The following CEACAM18 variants were observed in gnomAD, a reference collection of about 807,000 sequenced individuals.
CEACAM18 encodes the protein cell adhesion molecule CEACAM18.
Under a neutral mutation model 34.3 loss-of-function variants are expected in CEACAM18, and 33 were observed. The observed-to-expected ratio is 0.96, with a 90% CI of 0.73 to 1.29. The LOEUF (loss-of-function observed/expected upper bound fraction) is 1.29, where lower values mean the gene tolerates loss of function less well. Ranked by LOEUF, CEACAM18 falls within the 50% of genes most tolerant of loss-of-function variation. The pLI, the probability that CEACAM18 is intolerant of heterozygous loss-of-function variation, is 0.00. For missense variants in CEACAM18, 474 were observed against 485.0 expected (o/e 0.98, Z 0.21); for synonymous variants, 169 against 180.9 (o/e 0.93, Z 0.53).
intron 1 of CEACAM18, among the ~76,000 whole-genome samples, chr19:51,479,584 T>TG (rs886770540): frequency 6.6e-6 from 1 of 152,006 alleles, no homozygotes; most frequent in Non-Finnish European, 1.5e-5. Flanking sequence ...ATGGCTGGGA[T>TG]GGGGGGAGCC....
At position 51,485,166 on chromosome 19, in the gene CEACAM18, G is replaced by T. The variant is rs1027211411; in HGVS notation, c.1089+44G>T. Reference sequence around the variant, plus strand: ...GACAAGGGTGGGATGTTGGCTGGGGGCTGGGACTCAGGAGCCAGCCCTCCC... The same window carrying T: ...GACAAGGGTGGGATGTTGGCTGGGGTCTGGGACTCAGGAGCCAGCCCTCCC... On this transcript the variant is annotated intron_variant, in intron 5 of 5. Coordinates refer to ENST00000396477, the Ensembl canonical transcript of CEACAM18. 1.1e-5 allele frequency: 16 copies of T among 1,458,318 alleles called. No individual in the cohort carries two copies. In the Admixed American group the frequency reaches 3.8e-4, roughly 35 times the overall value. 90.3% of individuals were successfully genotyped at this position (1,458,318 alleles called of 1,614,324 possible).
intron 5 of CEACAM18, 103 bp from the exon 6 acceptor site, chr19:51,490,484 G>A (rs532584430): frequency 4.0e-6 from 4 of 998,094 alleles, no homozygotes; most frequent in Non-Finnish European, 5.2e-6. Context: ...ACTTAGGCTT[G>A]GACTTGGTGG....
intron 5 of CEACAM18, among the ~76,000 whole-genome samples, chr19:51,487,262 C>T (rs185740712): frequency 1.3e-5 from 2 of 152,054 alleles, no homozygotes; most frequent in Admixed American, 6.5e-5. Flanking sequence ...ATTACTTGAG[C>T]CCAGGAGTTC....
At chr19:51,482,363 A>T (rs145630137) in intron 3 of CEACAM18, among the ~76,000 whole-genome samples, 88 of 152,338 alleles carry the variant, frequency 5.8e-4, no homozygotes, top group Non-Finnish European at 1.1e-3. Context: ...ACTGAAAACC[A>T]TAATCACACA....
chr19:51,481,727 G>A (rs1989919949), intron 3 of CEACAM18, 62 bp downstream of exon 3: 5 of 1,528,746 alleles, frequency 3.3e-6, no homozygotes, highest in African/African-American at 1.4e-5. Flanking sequence ...CTAGGGATAG[G>A]AATATGTTAG....
At chr19:51,482,447 C>T (rs180983132) in intron 3 of CEACAM18, among the ~76,000 whole-genome samples, 7 of 152,296 alleles carry the variant, frequency 4.6e-5, no homozygotes, top group African/African-American at 1.4e-4. Context: ...GGCTACGGCA[C>T]CCATCCTGTG....
At chr19:51,482,673 A>G (rs1419649133) in intron 3 of CEACAM18, among the ~76,000 whole-genome samples, 1 of 152,324 alleles carries the variant, frequency 6.6e-6, no homozygotes, top group East Asian at 1.9e-4. Flanking sequence ...AAATGGATCA[A>G]TGGTGGAACC....
intron 4 of CEACAM18, among the ~76,000 whole-genome samples, chr19:51,484,283 G>C (rs1375248120): frequency 6.6e-6 from 1 of 151,362 alleles, no homozygotes; most frequent in East Asian, 1.9e-4. Context: ...TCTTCCCCTG[G>C]ACTACAAGAT....
At chr19:51,479,781 G>A (rs1224441925) in intron 1 of CEACAM18, among the ~76,000 whole-genome samples, 1 of 152,196 alleles carries the variant, frequency 6.6e-6, no homozygotes, top group Non-Finnish European at 1.5e-5. Flanking sequence ...AGGAGAAGGT[G>A]TGGTGCACCA....
At chr19:51,486,892 G>A (rs1365384930) in intron 5 of CEACAM18, among the ~76,000 whole-genome samples, 2 of 140,622 alleles carry the variant, frequency 1.4e-5, no homozygotes, top group South Asian at 4.6e-4. Context: ...TAATTTTTTT[G>A]TTTTTTTTTT....
intron 3 of CEACAM18, 96 bp from the exon 4 acceptor site, chr19:51,482,921 G>A (rs1391990067): frequency 9.5e-6 from 14 of 1,466,598 alleles, no homozygotes; most frequent in Non-Finnish European, 1.3e-5. Flanking sequence ...AGCCCGAGGT[G>A]CACAATGGGG....
At chr19:51,483,116 A>G in exon 4 of CEACAM18, 1 of 1,613,980 alleles carries the variant, frequency 6.2e-7, no homozygotes, top group South Asian at 1.1e-5. Context: ...TGTATCTGCT[A>G]TTCCTTCCTG....
At position 51,479,438 on chromosome 19, in the gene CEACAM18, C is replaced by A. The variant is rs142424542; in HGVS notation, c.52+744C>A. On this transcript the variant is annotated intron_variant, in intron 1 of 5. Transcript: ENST00000396477. Reference sequence around the variant, plus strand: ...TCACCCAGACAATCATTACTGAACTCCCCCTGTGTCCAGCCTGTGCTCAGG... The same window carrying A: ...TCACCCAGACAATCATTACTGAACTACCCCTGTGTCCAGCCTGTGCTCAGG... Among the ~76,000 whole-genome samples the A allele has an allele frequency of 2.2e-4, 34 of 152,334 alleles. No homozygotes were observed. The East Asian group carries it at 3.9e-3, about 17-fold the overall frequency.
chr19:51,480,791 G>T (rs1258660246), intron 2 of CEACAM18, 111 bp downstream of exon 2: 3 of 1,013,440 alleles, frequency 3.0e-6, no homozygotes, highest in Non-Finnish European at 4.3e-6. Flanking sequence ...TCACGGAGCC[G>T]CCCTGGAATC....
intron 5 of CEACAM18, among the ~76,000 whole-genome samples, chr19:51,486,143 A>G (rs1050117953): frequency 2.0e-5 from 3 of 152,040 alleles, no homozygotes; most frequent in African/African-American, 7.3e-5. Context: ...TGGTGGTGAT[A>G]GTGGTGATGA....
In CEACAM18 at chr19:51,483,305, G is replaced by T. The variant is rs1568524243; in HGVS notation, c.953+9G>T. 6.2e-7 allele frequency: 1 copy of T among 1,613,612 alleles called. No homozygotes were observed. The highest frequency in any genetic ancestry group is 1.3e-5 in the African/African-American group (1 of 75,014). ...ATCCAGGCCCCCCATGAGTGCAGCA[G>T]CTCCCCTCCAGGCTCATGCTTTGCA... On this transcript the variant is annotated intron_variant, in intron 4 of 5. Transcript: ENST00000396477.
Position 51,480,856 on chromosome 19 carries a change from G to A in CEACAM18, c.400+176G>A, listed in dbSNP as rs144847876. ...CTGAGGGCTAGTGGGAGGAGAGGGC[G>A]GAGTTGGAAGACAAGCAGTCCTGTA... is the stretch of plus-strand genomic sequence containing the variant. On this transcript the variant is annotated intron_variant, in intron 2 of 5. Coordinates refer to ENST00000396477, the Ensembl canonical transcript of CEACAM18. 6.6e-4 allele frequency among the ~76,000 whole-genome samples: 100 copies of A among 152,236 alleles called. 1 individual carries two copies. Among genetic ancestry groups the A allele is most frequent in the Admixed American group, 6.4e-3 (98 of 15,294 alleles).
intron 2 of CEACAM18, 139 bp from the exon 3 acceptor site, chr19:51,481,254 A>G: frequency 2.2e-6 from 2 of 913,980 alleles, no homozygotes; most frequent in South Asian, 1.7e-5. Flanking sequence ...TGCCCTTCTC[A>G]GCTCCCTTGC....
chr19:51,485,136 T>C lies in CEACAM18; in HGVS notation c.1089+14T>C. Reference sequence around the variant, plus strand: ...CTACTCAATCAGGTGCCCTCATTGCTCTGGGACAAGGGTGGGATGTTGGCT... The same window carrying C: ...CTACTCAATCAGGTGCCCTCATTGCCCTGGGACAAGGGTGGGATGTTGGCT... On this transcript the variant is annotated intron_variant, in intron 5 of 5. Transcript: ENST00000396477. 6.7e-7 allele frequency: 1 copy of C among 1,493,240 alleles called. No individual in the cohort carries two copies. The highest frequency in any genetic ancestry group is 8.9e-7 in the Non-Finnish European group (1 of 1,123,442). The allele number at this position is 1,493,240 out of a possible 1,614,324, so 92.5% of individuals were successfully genotyped here.
Sources: allele counts gnomAD v4.1 joint callset (sites outside exome capture counted in the v4.1 genomes callset), GRCh38; gene constraint gnomAD v4.1.1; transcripts MANE v1.5; gene names NCBI Gene and HGNC (gene_info 2026-07-23, HGNC 2026-07-21).